ROCK2: variants seen among roughly 807,000 people sequenced by gnomAD.
ROCK2 encodes the protein Rho associated coiled-coil containing protein kinase 2, also known as rho-associated protein kinase 2.
A neutral mutation model predicts 195.1 loss-of-function variants in ROCK2; 61 were observed. The observed-to-expected ratio is 0.31, with a 90% CI of 0.25 to 0.39. ROCK2 has a LOEUF of 0.39. Ranked by LOEUF, ROCK2 falls within the 10% of genes least tolerant of loss-of-function variation. The pLI, the probability that ROCK2 is intolerant of heterozygous loss-of-function variation, is 1.00. For missense variants in ROCK2, 1,109 were observed against 1,637.4 expected, an observed-to-expected ratio of 0.68 and a Z score of 5.57; for synonymous variants, 504 against 545.5, an observed-to-expected ratio of 0.92 and a Z score of 1.06.
chr2:11,312,794 A>C (rs2148233389), intron 1 of ROCK2, among the ~76,000 whole-genome samples: 1 of 152,280 alleles, frequency 6.6e-6, no homozygotes, highest in East Asian at 1.9e-4. Context: ...AGCAATAAAA[A>C]GAAATGAATC....
intron 3 of ROCK2, among the ~76,000 whole-genome samples, chr2:11,260,268 C>G (rs1012840813): frequency 6.8e-6 from 1 of 146,728 alleles, no homozygotes; most frequent in Non-Finnish European, 1.5e-5. Context: ...GCCAACATGG[C>G]GAAACCCCAT....
intron 28 of ROCK2, among the ~76,000 whole-genome samples, chr2:11,194,647 T>C (rs1424853741): frequency 6.6e-6 from 1 of 152,022 alleles, no homozygotes; most frequent in Admixed American, 6.6e-5. Context: ...TCAATAATCA[T>C]AGTAACAGAG....
intron 1 of ROCK2, among the ~76,000 whole-genome samples, chr2:11,337,704 C>A (rs1261516411): frequency 6.6e-6 from 1 of 151,938 alleles, no homozygotes; most frequent in Non-Finnish European, 1.5e-5. Flanking sequence ...CCAGTCTCAG[C>A]TCACTGCAAC....
intron 3 of ROCK2, among the ~76,000 whole-genome samples, chr2:11,280,800 G>A (rs920781895): frequency 2.0e-5 from 3 of 152,108 alleles, no homozygotes; most frequent in Non-Finnish European, 2.9e-5. Flanking sequence ...AAAGCATGAG[G>A]TCCAGATGGA....
chr2:11,231,267 G>A (rs1424392720), intron 5 of ROCK2, among the ~76,000 whole-genome samples: 24 of 151,282 alleles, frequency 1.6e-4, no homozygotes, highest in East Asian at 9.8e-4. Flanking sequence ...ACAGTGGCAC[G>A]AACTTGGCTG....
chr2:11,309,739 G>A (rs1356436404), intron 1 of ROCK2, among the ~76,000 whole-genome samples: 3 of 152,088 alleles, frequency 2.0e-5, no homozygotes, highest in African/African-American at 7.2e-5. Flanking sequence ...CAGCACTTTG[G>A]GAAGCTAAGG....
intron 3 of ROCK2, among the ~76,000 whole-genome samples, chr2:11,272,575 A>T (rs1666676365): frequency 6.6e-6 from 1 of 151,532 alleles, no homozygotes; most frequent in Admixed American, 6.6e-5. Context: ...GGGTGAGGGC[A>T]GAGCTGTTAA....
At chr2:11,221,991 T>G (rs1049012914) in intron 8 of ROCK2, 92 bp downstream of exon 8, 29 of 732,148 alleles carry the variant, frequency 4.0e-5, no homozygotes, top group Non-Finnish European at 5.1e-5. Flanking sequence ...TAGCATTAAG[T>G]GTTATCAAAT....
At chr2:11,241,369 T>C (rs975599935) in intron 4 of ROCK2, among the ~76,000 whole-genome samples, 2 of 152,082 alleles carry the variant, frequency 1.3e-5, no homozygotes, top group Non-Finnish European at 2.9e-5. Context: ...AGATTACACA[T>C]GTGTAACTGA....
At chr2:11,305,312 G>GT (rs1319028966) in intron 1 of ROCK2, among the ~76,000 whole-genome samples, 1 of 152,178 alleles carries the variant, frequency 6.6e-6, no homozygotes, top group African/African-American at 2.4e-5. Context: ...GGAGGCAGAA[G>GT]TTGCAGTGAG....
intron 1 of ROCK2, among the ~76,000 whole-genome samples, chr2:11,306,863 C>A (rs1033944162): frequency 1.5e-4 from 23 of 152,244 alleles, no homozygotes; most frequent in African/African-American, 4.6e-4. Context: ...GTGGGAAATA[C>A]AGTATAAACA....
chr2:11,195,687 G>C (rs1217192492), intron 27 of ROCK2, among the ~76,000 whole-genome samples: 1 of 152,036 alleles, frequency 6.6e-6, no homozygotes, highest in Non-Finnish European at 1.5e-5. Flanking sequence ...GCTATTTCTT[G>C]TATTTTTAGT....
At chr2:11,245,429 A>G (rs1665578833) in intron 4 of ROCK2, among the ~76,000 whole-genome samples, 1 of 152,148 alleles carries the variant, frequency 6.6e-6, no homozygotes, top group African/African-American at 2.4e-5. Context: ...AAATAGTTAC[A>G]ATATCAAGTA....
intron 6 of ROCK2, among the ~76,000 whole-genome samples, chr2:11,226,964 GA>G (rs925470771): frequency 2.7e-5 from 4 of 148,450 alleles, no homozygotes; most frequent in African/African-American, 9.9e-5. Flanking sequence ...AAGGCCCACT[GA>G]AGCTGTAAAC....
At chr2:11,226,804 C>T (rs989068684) in intron 6 of ROCK2, among the ~76,000 whole-genome samples, 2 of 149,732 alleles carry the variant, frequency 1.3e-5, no homozygotes, top group African/African-American at 4.9e-5. Flanking sequence ...CCTAGCTACT[C>T]GGGAGGCAAA....
At chr2:11,223,484 A>C (rs1369373458) in intron 7 of ROCK2, among the ~76,000 whole-genome samples, 1 of 152,188 alleles carries the variant, frequency 6.6e-6, no homozygotes, top group Non-Finnish European at 1.5e-5. Flanking sequence ...TCACTGCAGT[A>C]ATGCTTGTAA....
chr2:11,250,661 T>C (rs1005274006), intron 3 of ROCK2, among the ~76,000 whole-genome samples: 1 of 152,220 alleles, frequency 6.6e-6, no homozygotes, highest in African/African-American at 2.4e-5. Flanking sequence ...CTAGTTGCTC[T>C]AGCTAAAAAA....
chr2:11,292,223 C>G (rs994622345), intron 1 of ROCK2, among the ~76,000 whole-genome samples: 1 of 152,118 alleles, frequency 6.6e-6, no homozygotes. Context: ...CAAATTATGT[C>G]TTATTCTTTA....
intron 1 of ROCK2, among the ~76,000 whole-genome samples, chr2:11,318,559 T>C (rs1346259727): frequency 6.6e-6 from 1 of 152,196 alleles, no homozygotes; most frequent in Admixed American, 6.5e-5. Context: ...ATAGGTTGCC[T>C]GTTCTGATGG....
Sources: allele counts gnomAD v4.1 joint callset (sites outside exome capture counted in the v4.1 genomes callset), GRCh38; gene constraint gnomAD v4.1.1; transcripts MANE v1.5; gene names NCBI Gene and HGNC (gene_info 2026-07-23, HGNC 2026-07-21).